Variants in VWC2L observed in about 807,000 individuals in gnomAD.
The protein encoded by VWC2L is von Willebrand factor C domain-containing protein 2-like.
A neutral mutation model predicts 21.6 loss-of-function variants in VWC2L; 10 were observed. The observed-to-expected ratio is 0.46, with a 90% CI of 0.29 to 0.78. The LOEUF (loss-of-function observed/expected upper bound fraction) is 0.78. Among genes scored for constraint, VWC2L ranks in the 30% least tolerant of loss-of-function variants. The pLI is 0.10. For synonymous variants in VWC2L, 96 were observed against 94.3 expected (o/e 1.02, Z -0.10); for missense variants, 209 against 277.1 (o/e 0.75, Z 1.74).
At chr2:214,459,362 A>G (rs1478048270) in intron 3 of VWC2L, among the ~76,000 whole-genome samples, 4 of 152,316 alleles carry the variant, frequency 2.6e-5, no homozygotes, top group South Asian at 2.1e-4. Context: ...TTTTAAATCA[A>G]TTCAACTTTT....
At chr2:214,473,938 CAT>C (rs1382274775) in intron 3 of VWC2L, among the ~76,000 whole-genome samples, 1 of 152,064 alleles carries the variant, frequency 6.6e-6, no homozygotes, top group South Asian at 2.1e-4. Flanking sequence ...CTCATTAGCA[CAT>C]GTGTTAAGTG....
At chr2:214,446,991 A>G (rs1054282906) in intron 3 of VWC2L, among the ~76,000 whole-genome samples, 2 of 151,504 alleles carry the variant, frequency 1.3e-5, no homozygotes, top group African/African-American at 2.4e-5. Flanking sequence ...TCATTCTTGA[A>G]CCTCTCTTCA....
At chr2:214,541,143 A>T (rs1689620259) in intron 3 of VWC2L, among the ~76,000 whole-genome samples, 1 of 152,172 alleles carries the variant, frequency 6.6e-6, no homozygotes, top group Admixed American at 6.5e-5. Context: ...GCTGTAAGAG[A>T]TGATTATCTG....
chr2:214,504,889 C>T (rs943000171), intron 3 of VWC2L, among the ~76,000 whole-genome samples: 5 of 152,166 alleles, frequency 3.3e-5, no homozygotes, highest in Admixed American at 3.3e-4. Context: ...ACAGACAAGT[C>T]CAATTTTGAG....
chr2:214,556,373 A>C (rs1689873077), intron 3 of VWC2L, among the ~76,000 whole-genome samples: 1 of 152,230 alleles, frequency 6.6e-6, no homozygotes, highest in Admixed American at 6.5e-5. Context: ...AGAAAAACAC[A>C]AACAGTTGGC....
Position 214,575,803 on chromosome 2 carries a change from G to A in VWC2L, c.652G>A (p.Gly218Ser), listed in dbSNP as rs367947169. The A allele has an allele frequency of 4.3e-6, 7 of 1,613,194 alleles. No individual in the cohort carries two copies. In the African/African-American group the frequency reaches 9.3e-5, roughly 22 times the overall value. ...PAQCSKRECQ[G>S]KQTV ...TCAGTGTTCGAAACGTGAATGCCAA[G>A]GCAAGCAGACTGTGTAGGACAAACT... The change falls in exon 4 of 4, where the codon GGC becomes AGC. Residue 218 changes from glycine to serine, a missense_variant. By Grantham distance (56) the Gly-to-Ser change is moderately conservative. Transcript: ENST00000312504.
intron 3 of VWC2L, among the ~76,000 whole-genome samples, chr2:214,451,055 G>A (rs1702945859): frequency 6.6e-6 from 1 of 152,050 alleles, no homozygotes; most frequent in Non-Finnish European, 1.5e-5. Context: ...TTCTTAATCA[G>A]TAGTTCCTAA....
intron 3 of VWC2L, among the ~76,000 whole-genome samples, chr2:214,556,730 A>G (rs1689878537): frequency 6.6e-6 from 1 of 152,218 alleles, no homozygotes; most frequent in Non-Finnish European, 1.5e-5. Flanking sequence ...GAGGACTTCC[A>G]GTAAATACAA....
At chr2:214,449,894 T>C (rs1042881491) in intron 3 of VWC2L, among the ~76,000 whole-genome samples, 3 of 152,176 alleles carry the variant, frequency 2.0e-5, no homozygotes, top group African/African-American at 7.2e-5. Flanking sequence ...ATTACTTTCA[T>C]ATGTTTTGCA....
rs770173714 is a variant in VWC2L at position 214,575,748 on chromosome 2, T to C, written c.597T>C (p.His199=). 1.9e-6 allele frequency: 3 copies of C among 1,613,458 alleles called. No individual in the cohort carries two copies. Among genetic ancestry groups the C allele is most frequent in the Middle Eastern group, 1.6e-4 (1 of 6,076 alleles). Residue 199 remains histidine (H), a synonymous_variant, in exon 4 of 4, where the codon CAT becomes CAC. Coordinates refer to ENST00000312504, the MANE Select transcript of VWC2L (RefSeq NM_001080500.4). ...AAGTGGACGAATGTAACATCTGTCA[T>C]TGTCACAACGGGGACTGGTGGAAGC... ...EVKVDECNIC[H]CHNGDWWKPA...
chr2:214,443,053 G>T (rs558184897), intron 3 of VWC2L, among the ~76,000 whole-genome samples: 1 of 152,086 alleles, frequency 6.6e-6, no homozygotes, highest in African/African-American at 2.4e-5. Context: ...ATCATCTCAG[G>T]TTAGGGTTTA....
At chr2:214,558,347 C>A (rs116117456) in intron 3 of VWC2L, among the ~76,000 whole-genome samples, 2,461 of 152,262 alleles carry the variant, frequency 0.016, 55 homozygotes, top group African/African-American at 0.054. Flanking sequence ...GGTTCCACCT[C>A]TCTATGCCCA....
At chr2:214,554,215 C>T (rs1432066339) in intron 3 of VWC2L, among the ~76,000 whole-genome samples, 1 of 152,288 alleles carries the variant, frequency 6.6e-6, no homozygotes, top group African/African-American at 2.4e-5. Flanking sequence ...CTGTAACACC[C>T]TATTTCTAAC....
At chr2:214,572,492 T>G (rs142647371) in intron 3 of VWC2L, among the ~76,000 whole-genome samples, 2 of 152,280 alleles carry the variant, frequency 1.3e-5, no homozygotes, top group Non-Finnish European at 2.9e-5. Context: ...AGAAACGTAT[T>G]CCCTTATTTC....
In VWC2L at chr2:214,538,574, T is replaced by C. The variant is rs143355873; in HGVS notation, c.521-37098T>C. Reference sequence around the variant, plus strand: ...GACGCAAATAAGAATGCAAACAGATTCTCCAAGTTTATAGTATAATTTTTG... The same window carrying C: ...GACGCAAATAAGAATGCAAACAGATCCTCCAAGTTTATAGTATAATTTTTG... On this transcript the variant is annotated intron_variant, in intron 3 of 3. Coordinates refer to ENST00000312504, the MANE Select transcript of VWC2L (RefSeq NM_001080500.4). Among the ~76,000 whole-genome samples, 111 of 143,390 alleles carry C rather than the reference T, an allele frequency of 7.7e-4. 4 individuals carry two copies. In the East Asian group the frequency reaches 0.022, roughly 29 times the overall value. The allele number at this position is 143,390 out of a possible 152,430, so 94.1% of individuals were successfully genotyped here. A position where few individuals can be genotyped will look rare whatever the true frequency, so the allele number is the denominator to read the frequency against.
intron 3 of VWC2L, among the ~76,000 whole-genome samples, chr2:214,477,150 T>G (rs7565921): frequency 0.87 from 132,060 of 152,086 alleles, 60,283 homozygotes; most frequent in Non-Finnish European, 1. Context: ...GCATATATAA[T>G]TTAGGTGAAA....
intron 3 of VWC2L, among the ~76,000 whole-genome samples, chr2:214,476,989 GA>G (rs561976324): frequency 2.0e-5 from 3 of 152,084 alleles, no homozygotes; most frequent in Admixed American, 1.3e-4. Context: ...CTACACTCAG[GA>G]AACTAACTTT....
At chr2:214,460,470 TTGTGTG>T (rs1052058110) in intron 3 of VWC2L, among the ~76,000 whole-genome samples, 1 of 152,094 alleles carries the variant, frequency 6.6e-6, no homozygotes, top group African/African-American at 2.4e-5. Context: ...TCTTTGGATT[TTGTGTG>T]TGTTTGTGTG....
chr2:214,422,987 TATATC>T lies in VWC2L; in HGVS notation c.390+8405_390+8409del, dbSNP rs1236456327. Among the ~76,000 whole-genome samples, 473 of 152,316 alleles carry T rather than the reference TATATC, an allele frequency of 3.1e-3. 2 individuals carry two copies. Among genetic ancestry groups the T allele is most frequent in the African/African-American group, 0.011 (450 of 41,586 alleles). On this transcript the variant is annotated intron_variant, in intron 2 of 3. Transcript: ENST00000312504. ...GAATTGATACAATAATGAGACCATA[TATATC>T]TTATGAAGAATAAATAGTATTGAAG...
Sources: allele counts gnomAD v4.1 joint callset (sites outside exome capture counted in the v4.1 genomes callset), GRCh38; gene constraint gnomAD v4.1.1; transcripts MANE v1.5; gene names NCBI Gene and HGNC (gene_info 2026-07-23, HGNC 2026-07-21).